RAD51B: variants seen among roughly 807,000 people sequenced by gnomAD.
The protein encoded by RAD51B is DNA repair protein RAD51 homolog 2.
In RAD51B, 38 loss-of-function variants were observed where a neutral mutation model predicts 42.2. The ratio of observed to expected loss-of-function variants is 0.90; its 90% confidence interval spans 0.70 to 1.18. RAD51B has a LOEUF of 1.18. Ranked by LOEUF, RAD51B falls within the 50% of genes most tolerant of loss-of-function variation. The pLI, the probability that RAD51B is intolerant of heterozygous loss-of-function variation, is 0.00. For synonymous variants in RAD51B, 154 were observed against 145.2 expected (o/e 1.06, Z -0.43); for missense variants, 373 against 400.7 (o/e 0.93, Z 0.59).
chr14:68,541,385 G>A, intron 10 of RAD51B: 1 of 985,414 alleles, frequency 1.0e-6, no homozygotes, highest in African/African-American at 1.7e-5. Flanking sequence ...CTTCCCAGAA[G>A]CACATCTTAT....
At chr14:68,482,118 CTGAAAGTAATTA>C (rs1883226920), downstream of RAD51B, among the ~76,000 whole-genome samples, 1 of 51,294 alleles carries the variant, frequency 1.9e-5, no homozygotes, top group Non-Finnish European at 6.3e-5. Flanking sequence ...ATTACTTTTA[CTGAAAGTAATTA>C]CTTTTACTGA....
At position 68,005,045 on chromosome 14, in the gene RAD51B, G is replaced by GT. The variant is rs753867497; in HGVS notation, c.756+117868dup. ...CTACCATTCTACTGTGTGTGTGTGTGTTTTTTTTTTTTTTTTTTTTTTTTT... is the reference window on the plus strand; with the variant it reads ...CTACCATTCTACTGTGTGTGTGTGTGTTTTTTTTTTTTTTTTTTTTTTTTTT... On this transcript the variant is annotated intron_variant, in intron 7 of 10. Coordinates refer to ENST00000471583, the MANE Select transcript of RAD51B (RefSeq NM_133510.4). Among the ~76,000 whole-genome samples, 635 of 79,520 alleles carry GT rather than the reference G, an allele frequency of 8.0e-3. 185 individuals carry two copies. The highest frequency in any genetic ancestry group is 0.014 in the East Asian group (33 of 2,284). 52.2% of individuals were successfully genotyped at this position (79,520 alleles called of 152,430 possible).
At chr14:68,613,955 G>A (rs923272778), downstream of RAD51B, among the ~76,000 whole-genome samples, 13 of 152,192 alleles carry the variant, frequency 8.5e-5, no homozygotes, top group East Asian at 3.8e-4. Context: ...ATCTAAATGC[G>A]TAAAATCAAA....
chr14:68,306,110 T>A (rs2081856178), intron 8 of RAD51B, among the ~76,000 whole-genome samples: 1 of 152,214 alleles, frequency 6.6e-6, no homozygotes, highest in South Asian at 2.1e-4. Context: ...TTGAGAAAAC[T>A]GTTAACCTTG....
intron 11 of RAD51B, among the ~76,000 whole-genome samples, chr14:68,681,733 C>T (rs974750075): frequency 3.9e-5 from 6 of 152,192 alleles, no homozygotes; most frequent in African/African-American, 1.2e-4. Flanking sequence ...AACCTCCCTC[C>T]TGTTCATCAG....
chr14:67,997,617 C>G (rs1312939427), intron 7 of RAD51B, among the ~76,000 whole-genome samples: 1 of 152,066 alleles, frequency 6.6e-6, no homozygotes, highest in Non-Finnish European at 1.5e-5. Context: ...TGCTGTTTGT[C>G]ATTTGTTGAG....
intron 10 of RAD51B, among the ~76,000 whole-genome samples, chr14:68,603,188 C>G (rs1017793129): frequency 6.6e-6 from 1 of 152,170 alleles, no homozygotes; most frequent in African/African-American, 2.4e-5. Flanking sequence ...ATGGATTAGG[C>G]CCTCAATCAC....
At chr14:67,934,487 C>T (rs754762544) in intron 7 of RAD51B, among the ~76,000 whole-genome samples, 8 of 151,922 alleles carry the variant, frequency 5.3e-5, no homozygotes, top group African/African-American at 1.9e-4. Flanking sequence ...TTATTTGACA[C>T]GTATTTAATG....
intron 7 of RAD51B, among the ~76,000 whole-genome samples, chr14:68,218,876 T>G (rs892118698): frequency 6.6e-6 from 1 of 152,174 alleles, no homozygotes; most frequent in Admixed American, 6.5e-5. Flanking sequence ...CTATTAGATA[T>G]AATAGATTAT....
At chr14:67,985,728 C>A (rs2075174241) in intron 7 of RAD51B, among the ~76,000 whole-genome samples, 2 of 150,560 alleles carry the variant, frequency 1.3e-5, no homozygotes, top group African/African-American at 2.4e-5. Context: ...ATGATGAAAC[C>A]ACATCTCTAC....
intron 10 of RAD51B, among the ~76,000 whole-genome samples, chr14:68,572,872 G>A (rs570708907): frequency 2.1e-4 from 32 of 152,210 alleles, no homozygotes; most frequent in African/African-American, 7.0e-4. Flanking sequence ...ACATGTTTTC[G>A]CTCATTTAAT....
At chr14:68,129,028 C>T (rs1022479535) in intron 7 of RAD51B, among the ~76,000 whole-genome samples, 1 of 152,108 alleles carries the variant, frequency 6.6e-6, no homozygotes, top group African/African-American at 2.4e-5. Flanking sequence ...GGTCTTGCTT[C>T]TGGAAGAATT....
intron 9 of RAD51B, among the ~76,000 whole-genome samples, chr14:68,443,274 C>A (rs1441231518): frequency 6.6e-6 from 1 of 152,110 alleles, no homozygotes; most frequent in Non-Finnish European, 1.5e-5. Flanking sequence ...GAGAACTTAG[C>A]CTGTGGCTTC....
intron 7 of RAD51B, among the ~76,000 whole-genome samples, chr14:68,017,576 T>C (rs1051754274): frequency 3.3e-5 from 5 of 152,216 alleles, no homozygotes; most frequent in African/African-American, 1.2e-4. Context: ...TTTTTAGAGA[T>C]CAATGCTGAG....
intron 7 of RAD51B, among the ~76,000 whole-genome samples, chr14:68,079,269 A>T (rs1595367678): frequency 6.6e-6 from 1 of 152,114 alleles, no homozygotes; most frequent in Non-Finnish European, 1.5e-5. Context: ...TTCAATCAAA[A>T]CTTCTGCAGG....
intron 7 of RAD51B, among the ~76,000 whole-genome samples, chr14:68,048,115 A>G (rs2076332355): frequency 6.6e-6 from 1 of 152,220 alleles, no homozygotes; most frequent in African/African-American, 2.4e-5. Flanking sequence ...CATAGTGAGC[A>G]ATCAAAACAT....
chr14:68,117,168 T>C (rs2077564241), intron 7 of RAD51B, among the ~76,000 whole-genome samples: 1 of 152,216 alleles, frequency 6.6e-6, no homozygotes, highest in Non-Finnish European at 1.5e-5. Flanking sequence ...TCTTTTGTTA[T>C]AGACTTGATC....
intron 4 of RAD51B, among the ~76,000 whole-genome samples, chr14:67,847,305 T>A (rs1352007795): frequency 6.7e-6 from 1 of 150,202 alleles, no homozygotes; most frequent in Non-Finnish European, 1.5e-5. Context: ...TTTCTTCTGC[T>A]AGTTTTGGGG....
Position 68,671,804 on chromosome 14 carries a change from G to A in RAD51B, c.*11+20948G>A, listed in dbSNP as rs181887500. 3.7e-4 allele frequency among the ~76,000 whole-genome samples: 55 copies of A among 147,998 alleles called. 1 individual carries two copies. In the East Asian group the frequency reaches 9.3e-3, roughly 25 times the overall value. ...TGTAGGGCCTTAGGAAATACTGATGGCTTTGACTGGTTATCAAAAAAAAAA... is the reference window on the plus strand; with the variant it reads ...TGTAGGGCCTTAGGAAATACTGATGACTTTGACTGGTTATCAAAAAAAAAA... On this transcript the variant is annotated intron_variant, in intron 11 of 11. Transcript: ENST00000488612.
Sources: allele counts gnomAD v4.1 joint callset (sites outside exome capture counted in the v4.1 genomes callset), GRCh38; gene constraint gnomAD v4.1.1; transcripts MANE v1.5; gene names NCBI Gene and HGNC (gene_info 2026-07-23, HGNC 2026-07-21).